The following ACTR3C variants were observed in gnomAD, a reference collection of about 807,000 sequenced individuals.
The protein encoded by ACTR3C is actin-related protein 3C.
In ACTR3C, 18 loss-of-function variants were observed where a neutral mutation model predicts 26.3. The ratio of observed to expected loss-of-function variants is 0.68; its 90% confidence interval spans 0.47 to 1.01. The LOEUF is 1.01. ACTR3C is among the 50% of genes least tolerant of loss of function. The pLI, the probability that ACTR3C is intolerant of heterozygous loss-of-function variation, is 0.00. For missense variants in ACTR3C, 184 were observed against 250.7 expected, an observed-to-expected ratio of 0.73 and a Z score of 1.80; for synonymous variants, 55 against 94.5, an observed-to-expected ratio of 0.58 and a Z score of 2.42.
At chr7:150,044,685 C>G in the ACTR3C span, 1 of 152,230 alleles carries the variant, frequency 6.6e-6, no homozygotes, top group African/African-American at 2.4e-5. Context: ...CATTCTCAGT[C>G]ATACTCAGGC....
At chr7:149,889,275 A>G in the ACTR3C span, among the ~76,000 whole-genome samples, 2 of 152,328 alleles carry the variant, frequency 1.3e-5, no homozygotes, top group East Asian at 3.9e-4. Context: ...TCAAAGACCT[A>G]ACCCCAAAGA....
chr7:149,906,119 T>C, the ACTR3C span, among the ~76,000 whole-genome samples: 12 of 152,282 alleles, frequency 7.9e-5, no homozygotes, highest in African/African-American at 2.6e-4. Context: ...ATTGAGGGTT[T>C]TTCTTTTTAA....
the ACTR3C span, among the ~76,000 whole-genome samples, chr7:150,038,818 T>A: frequency 2.6e-4 from 36 of 137,484 alleles, no homozygotes; most frequent in African/African-American, 6.6e-4. Flanking sequence ...CTCCCCCCTC[T>A]GCGATGGGGG....
At chr7:150,086,278 A>C in the ACTR3C span, among the ~76,000 whole-genome samples, 1 of 152,236 alleles carries the variant, frequency 6.6e-6, no homozygotes, top group Non-Finnish European at 1.5e-5. Flanking sequence ...GCCCAGCCCC[A>C]TGCATTATTT....
intron 1 of ACTR3C, among the ~76,000 whole-genome samples, chr7:150,304,922 G>C (rs1795689883): frequency 6.6e-6 from 1 of 152,184 alleles, no homozygotes; most frequent in Non-Finnish European, 1.5e-5. Context: ...TACAATGTCT[G>C]CCCGGGCTCC....
At chr7:150,035,754 G>A in the ACTR3C span, among the ~76,000 whole-genome samples, 1 of 140,272 alleles carries the variant, frequency 7.1e-6, no homozygotes, top group African/African-American at 2.6e-5. Context: ...CCTCGCGGGG[G>A]GTGCGTCCCC....
rs1178648888 is a variant in ACTR3C at position 150,250,361 on chromosome 7, A to G, written c.565-1307T>C. Among the ~76,000 whole-genome samples, 19 of 151,432 alleles carry G rather than the reference A, an allele frequency of 1.3e-4. No homozygotes were observed. The East Asian group carries it at 2.3e-3, about 19-fold the overall frequency. On this transcript the variant is annotated intron_variant, in intron 6 of 7. Coordinates refer to ENST00000683684, the MANE Select transcript of ACTR3C (RefSeq NM_001164458.2). ...TGGGACCACAGGCGCCCGCCACTAC[A>G]CCCGGCTAATTTTTTGTATTTTTAC...
the ACTR3C span, among the ~76,000 whole-genome samples, chr7:149,951,306 A>G: frequency 1.4e-5 from 2 of 141,204 alleles, no homozygotes; most frequent in Non-Finnish European, 3.0e-5. Flanking sequence ...TCTCCATTTC[A>G]ATGTGACAAA....
chr7:150,305,774 C>G (rs866108429), intron 1 of ACTR3C, among the ~76,000 whole-genome samples: 28 of 152,052 alleles, frequency 1.8e-4, no homozygotes, highest in Non-Finnish European at 8.8e-5. Flanking sequence ...GTCTCTGCAC[C>G]TCCTTGAAAA....
the ACTR3C span, among the ~76,000 whole-genome samples, chr7:149,981,894 C>T: frequency 6.6e-6 from 1 of 152,260 alleles, no homozygotes; most frequent in Non-Finnish European, 1.5e-5. Context: ...CAGCACAGAA[C>T]ATCGGCCGAT....
At chr7:150,006,727 T>C in the ACTR3C span, among the ~76,000 whole-genome samples, 3 of 152,038 alleles carry the variant, frequency 2.0e-5, no homozygotes, top group East Asian at 3.9e-4. Context: ...GGCGCCTCTA[T>C]GGGCAATGGT....
chr7:149,917,419 T>G, the ACTR3C span, among the ~76,000 whole-genome samples: 1 of 152,238 alleles, frequency 6.6e-6, no homozygotes, highest in South Asian at 2.1e-4. Flanking sequence ...CTCTTTCACT[T>G]TACTTGTTAA....
At chr7:150,156,923 G>A in the ACTR3C span, among the ~76,000 whole-genome samples, 68 of 151,718 alleles carry the variant, frequency 4.5e-4, no homozygotes, top group African/African-American at 1.5e-3. Flanking sequence ...TCACTGAGGG[G>A]TTGGTTAATC....
At chr7:150,166,872 TA>T in the ACTR3C span, among the ~76,000 whole-genome samples, 1 of 150,482 alleles carries the variant, frequency 6.6e-6, no homozygotes. Flanking sequence ...TCAACTTTTT[TA>T]GCTCCTAAAT....
the ACTR3C span, among the ~76,000 whole-genome samples, chr7:150,077,403 T>C: frequency 6.6e-6 from 1 of 152,172 alleles, no homozygotes; most frequent in East Asian, 1.9e-4. Flanking sequence ...GGGTCACAAC[T>C]CCATGTGACC....
chr7:150,003,417 G>A, the ACTR3C span, among the ~76,000 whole-genome samples: 1 of 152,174 alleles, frequency 6.6e-6, no homozygotes, highest in African/African-American at 2.4e-5. Context: ...AGTGTGGCAT[G>A]TAGTGTGTTA....
At chr7:150,196,651 TAG>T in the ACTR3C span, among the ~76,000 whole-genome samples, 36 of 152,236 alleles carry the variant, frequency 2.4e-4, no homozygotes, top group African/African-American at 8.4e-4. Context: ...TGCAGAATAG[TAG>T]AGAGTTAGGT....
the ACTR3C span, among the ~76,000 whole-genome samples, chr7:150,025,705 A>C: frequency 1.3e-5 from 2 of 152,124 alleles, no homozygotes; most frequent in Non-Finnish European, 2.9e-5. Context: ...GGATGAAACG[A>C]GATTGCCGAA....
At chr7:150,295,414 A>G in intron 1 of ACTR3C, 67 bp from the exon 2 acceptor site, 1 of 1,515,516 alleles carries the variant, frequency 6.6e-7, no homozygotes, top group Non-Finnish European at 9.2e-7. Flanking sequence ...AGAACCATAA[A>G]CAGGTTAACC....
Sources: allele counts gnomAD v4.1 joint callset (sites outside exome capture counted in the v4.1 genomes callset), GRCh38; gene constraint gnomAD v4.1.1; transcripts MANE v1.5; gene names NCBI Gene and HGNC (gene_info 2026-07-23, HGNC 2026-07-21).